Variants in RPTOR observed in about 807,000 individuals in gnomAD.
RPTOR encodes the protein regulatory-associated protein of mTOR.
In RPTOR, 21 loss-of-function variants were observed where a neutral mutation model predicts 169.9. The observed-to-expected ratio is 0.12, with a 90% CI of 0.09 to 0.18. RPTOR has a LOEUF of 0.18. Among genes scored for constraint, RPTOR ranks in the 10% least tolerant of loss-of-function variants. The pLI is 1.00. For missense variants in RPTOR, 1,133 were observed against 1,855.9 expected, an observed-to-expected ratio of 0.61 and a Z score of 7.16; for synonymous variants, 732 against 753.2, an observed-to-expected ratio of 0.97 and a Z score of 0.46.
chr17:80,850,223 G>T (rs1385531947), intron 11 of RPTOR, among the ~76,000 whole-genome samples: 5 of 152,136 alleles, frequency 3.3e-5, no homozygotes, highest in Non-Finnish European at 5.9e-5. Context: ...CGCACCTTTT[G>T]GAGTCTCCGG....
At chr17:80,752,619 A>C (rs145840827) in intron 5 of RPTOR, among the ~76,000 whole-genome samples, 10 of 152,376 alleles carry the variant, frequency 6.6e-5, no homozygotes, top group African/African-American at 2.4e-4. Context: ...CGAAATGGCC[A>C]CATGCAGGCA....
At chr17:80,923,443 C>G in intron 22 of RPTOR, 47 bp from the exon 23 acceptor site, 1 of 1,609,054 alleles carries the variant, frequency 6.2e-7, no homozygotes, top group Non-Finnish European at 8.5e-7. Flanking sequence ...CTCTCGAAGC[C>G]CCAGACTCTG....
chr17:80,612,880 A>G (rs1399947759), intron 1 of RPTOR, among the ~76,000 whole-genome samples: 1 of 152,226 alleles, frequency 6.6e-6, no homozygotes, highest in East Asian at 1.9e-4. Flanking sequence ...AAACAAACAA[A>G]CAAAACTTTT....
rs2066336399 is a variant in RPTOR, at chr17:80,726,519, T to C, written c.508-4041T>C. 6.6e-6 allele frequency among the ~76,000 whole-genome samples: 1 copy of C among 152,174 alleles called. No individual in the cohort carries two copies. The highest frequency in any genetic ancestry group is 1.5e-5 in the Non-Finnish European group (1 of 68,018). ...TTTTGATTTTGGCAAATGTGGAAAA[T>C]AGATTTCAGCTCAAAAAGCAAGACC... On this transcript the variant is annotated intron_variant, in intron 4 of 33. Coordinates refer to ENST00000306801, the MANE Select transcript of RPTOR (RefSeq NM_020761.3). This position sits in a 1 kb window ranked among gnomAD's most constrained non-coding sequence, Gnocchi z 4.5.
At chr17:80,716,741 T>C (rs1332694508) in intron 4 of RPTOR, among the ~76,000 whole-genome samples, 5 of 152,236 alleles carry the variant, frequency 3.3e-5, no homozygotes, top group African/African-American at 1.2e-4. Flanking sequence ...GGGTTGATTT[T>C]TGTATAAAGT....
In RPTOR at chr17:80,721,836, G is replaced by C. The variant is rs887462018; in HGVS notation, c.508-8724G>C. Reference sequence around the variant, plus strand: ...TAGAAAGTTATTGCCAGCTGAAAAAGAACAAGTCTTCATTATTATCCAATT... The same window carrying C: ...TAGAAAGTTATTGCCAGCTGAAAAACAACAAGTCTTCATTATTATCCAATT... On this transcript the variant is annotated intron_variant, in intron 4 of 33. Transcript: ENST00000306801. The surrounding 1 kb of genome is among the most constrained non-coding windows in gnomAD (Gnocchi z 4.7). Among the ~76,000 whole-genome samples, 5 of 149,446 alleles carry C rather than the reference G, an allele frequency of 3.3e-5. No homozygotes were observed. Among genetic ancestry groups the C allele is most frequent in the Non-Finnish European group, 7.4e-5 (5 of 67,988 alleles).
intron 13 of RPTOR, among the ~76,000 whole-genome samples, chr17:80,873,203 G>C (rs1051353726): frequency 2.6e-4 from 40 of 152,318 alleles, no homozygotes; most frequent in Middle Eastern, 3.4e-3. Flanking sequence ...CCGGGGCTCT[G>C]TGCGGTTCCA....
intron 10 of RPTOR, among the ~76,000 whole-genome samples, chr17:80,839,644 G>T (rs1301215062): frequency 2.0e-5 from 3 of 152,210 alleles, no homozygotes; most frequent in Non-Finnish European, 4.4e-5. Context: ...CAGCCTGCCA[G>T]AGCTGCTTTC....
Position 80,799,912 on chromosome 17 carries a change from C to T in RPTOR, c.890+8403C>T, listed in dbSNP as rs142968372. Reference sequence around the variant, plus strand: ...CACGCACAGACCTGCATGGTAGGCACCTGCCCCATGCCCATGTGTCCTTGC... The same window carrying T: ...CACGCACAGACCTGCATGGTAGGCATCTGCCCCATGCCCATGTGTCCTTGC... On this transcript the variant is annotated intron_variant, in intron 7 of 33. Transcript: ENST00000306801. Among the ~76,000 whole-genome samples, 694 of 152,310 alleles carry T rather than the reference C, an allele frequency of 4.6e-3. 6 individuals are homozygous for T. Among genetic ancestry groups the T allele is most frequent in the African/African-American group, 0.016 (660 of 41,562 alleles).
intron 3 of RPTOR, among the ~76,000 whole-genome samples, chr17:80,679,617 G>C (rs2065883698): frequency 6.6e-6 from 1 of 152,024 alleles, no homozygotes; most frequent in Non-Finnish European, 1.5e-5. Flanking sequence ...TTATTATTCT[G>C]AGAATAGCTT....
intron 1 of RPTOR, among the ~76,000 whole-genome samples, chr17:80,608,995 T>C (rs1314996430): frequency 6.6e-6 from 1 of 152,036 alleles, no homozygotes; most frequent in Non-Finnish European, 1.5e-5. Context: ...GGTGTTACAA[T>C]GACAAGAAGA....
Position 80,744,649 on chromosome 17 carries a change from T to C in RPTOR, c.655-9361T>C, listed in dbSNP as rs1217974310. On this transcript the variant is annotated intron_variant, in intron 5 of 33. Transcript: ENST00000306801. ...AGCAGAGCCCTGGCTACTAGCACTCTCCTGGTTACGAGCACAGCCCTGGCT... is the reference window on the plus strand; with the variant it reads ...AGCAGAGCCCTGGCTACTAGCACTCCCCTGGTTACGAGCACAGCCCTGGCT... Among the ~76,000 whole-genome samples, 2 of 8,774 alleles carry C rather than the reference T, an allele frequency of 2.3e-4. 1 individual carries two copies. Among genetic ancestry groups the C allele is most frequent in the Non-Finnish European group, 4.4e-4 (2 of 4,532 alleles). The allele number at this position is 8,774 out of a possible 152,430, so 5.8% of individuals were successfully genotyped here.
At chr17:80,600,374 T>C (rs904076192) in intron 1 of RPTOR, among the ~76,000 whole-genome samples, 7 of 152,148 alleles carry the variant, frequency 4.6e-5, no homozygotes, top group Non-Finnish European at 8.8e-5. Flanking sequence ...CCCAGACTTC[T>C]GTGAGGAGGA....
In RPTOR at chr17:80,922,786, C is replaced by A; in HGVS notation, c.2583C>A (p.Pro861=). 2 of 1,588,074 alleles carry A rather than the reference C, an allele frequency of 1.3e-6. No individual in the cohort carries two copies. Among genetic ancestry groups the A allele is most frequent in the East Asian group, 4.6e-5 (2 of 43,508 alleles). Residue 861 remains proline, a synonymous_variant, in exon 22 of 34, where the codon CCC becomes CCA. Transcript: ENST00000306801. The part of the protein sequence containing the change: ...LDTSSLTQSA[P]ASPTNKGVHI... Reference sequence around the variant, plus strand: ...CCTCCTCCCTCACGCAGTCGGCCCCCGCCAGCCCCACCAACAAGGGCGTGC... The same window carrying A: ...CCTCCTCCCTCACGCAGTCGGCCCCAGCCAGCCCCACCAACAAGGGCGTGC...
chr17:80,910,643 C>G (rs964317313), intron 21 of RPTOR, among the ~76,000 whole-genome samples: 3 of 152,082 alleles, frequency 2.0e-5, no homozygotes, highest in African/African-American at 7.2e-5. Context: ...AATGAGCTAT[C>G]GAGTCTCCCC....
intron 3 of RPTOR, 61 bp downstream of exon 3, chr17:80,643,871 T>A: frequency 7.7e-7 from 1 of 1,304,790 alleles, no homozygotes; most frequent in Non-Finnish European, 1.1e-6. Flanking sequence ...GTTCCTTGGT[T>A]TCCAACACTC....
intron 1 of RPTOR, among the ~76,000 whole-genome samples, chr17:80,595,604 C>T (rs1377135107): frequency 6.6e-6 from 1 of 152,206 alleles, no homozygotes; most frequent in Admixed American, 6.5e-5. Flanking sequence ...CACAGGTGTG[C>T]ACCACCAACA....
intron 3 of RPTOR, among the ~76,000 whole-genome samples, chr17:80,671,744 C>A (rs1201429508): frequency 6.6e-6 from 1 of 152,180 alleles, no homozygotes; most frequent in East Asian, 1.9e-4. Flanking sequence ...GACCTATGGT[C>A]TTCTGGTCAC....
chr17:80,731,441 G>A (rs777902827), intron 5 of RPTOR, among the ~76,000 whole-genome samples: 9 of 152,108 alleles, frequency 5.9e-5, no homozygotes, highest in Non-Finnish European at 1.0e-4. Flanking sequence ...AAGCTAAAAT[G>A]ATAGAAAACA....
Sources: allele counts gnomAD v4.1 joint callset (sites outside exome capture counted in the v4.1 genomes callset), GRCh38; gene constraint gnomAD v4.1.1; non-coding constraint Gnocchi (gnomAD v3.1); transcripts MANE v1.5; gene names NCBI Gene and HGNC (gene_info 2026-07-23, HGNC 2026-07-21).